ST13: variants seen among roughly 807,000 people sequenced by gnomAD.
ST13 encodes the protein ST13 Hsp70 interacting protein, also known as hsc70-interacting protein.
In ST13, 23 loss-of-function variants were observed where a neutral mutation model predicts 56.7. The ratio of observed to expected loss-of-function variants is 0.41; its 90% confidence interval spans 0.29 to 0.57. ST13 has a LOEUF of 0.57. ST13 is among the 20% of genes least tolerant of loss of function. The pLI, the probability that ST13 is intolerant of heterozygous loss-of-function variation, is 0.36. For missense variants in ST13, 369 were observed against 459.9 expected (o/e 0.80, Z 1.81); for synonymous variants, 132 against 142.4 (o/e 0.93, Z 0.52).
At chr22:40,840,813 CCAGAGAA>C (rs1470113654) in intron 4 of ST13, 121 bp from the exon 5 acceptor site, 1 of 737,596 alleles carries the variant, frequency 1.4e-6, no homozygotes, top group Non-Finnish European at 2.2e-6. Context: ...TCTGTAGTCT[CCAGAGAA>C]CAAAGAGACA....
chr22:40,832,528 G>A (rs772189112), intron 8 of ST13, 41 bp downstream of exon 8: 6 of 1,430,408 alleles, frequency 4.2e-6, no homozygotes, highest in Non-Finnish European at 4.9e-6. Flanking sequence ...CAGCGATGGA[G>A]TATTTAACTA....
chr22:40,851,685 A>C (rs566335904), intron 1 of ST13, among the ~76,000 whole-genome samples: 7 of 152,298 alleles, frequency 4.6e-5, no homozygotes, highest in African/African-American at 9.6e-5. Context: ...TTAAAAACAA[A>C]CAACAAAAGC....
In ST13 at chr22:40,832,647, T is replaced by C. The variant is rs377576431; in HGVS notation, c.603A>G (p.Ala201=). 3.1e-6 allele frequency: 5 copies of C among 1,601,340 alleles called. No homozygotes were observed. The highest frequency in any genetic ancestry group is 2.7e-5 in the African/African-American group (2 of 74,900). Residue 201 remains alanine (A), a synonymous_variant, in exon 8 of 12, where the codon GCA becomes GCG. Coordinates refer to ENST00000216218, the MANE Select transcript of ST13 (RefSeq NM_003932.5). ...TACAGGCAAGGGCAAGATCATGGGC[T>C]GCTTCTTCCCAGTGGCCTAGAAGTC... ...AHRLLGHWEE[A]AHDLALACKL...
At chr22:40,855,966 A>AT (rs1243415755) in intron 1 of ST13, among the ~76,000 whole-genome samples, 2 of 152,016 alleles carry the variant, frequency 1.3e-5, no homozygotes, top group African/African-American at 2.4e-5. Context: ...TACAGTTATC[A>AT]TTTTTATTCT....
intron 10 of ST13, among the ~76,000 whole-genome samples, chr22:40,828,053 G>C (rs1045717198): frequency 6.6e-6 from 1 of 152,040 alleles, no homozygotes; most frequent in South Asian, 2.1e-4. Flanking sequence ...CTTCAGTTAA[G>C]GACGACCTTA....
rs779210227 is a variant in ST13, at chr22:40,835,870, T to C, written c.400A>G (p.Ile134Val). The change falls in exon 6 of 12, where the codon ATT becomes GTT. Residue 134 changes from isoleucine (I) to valine (V), a missense_variant. Physicochemically the swap from Ile to Val is conservative, Grantham distance 29. Coordinates refer to ENST00000216218, the MANE Select transcript of ST13 (RefSeq NM_003932.5). ...ALNDGELQKA[I>V]DLFTDAIKLN... is the part of the protein sequence containing the mutation. The stretch of plus-strand genomic sequence containing the variant: ...TTGATGGCATCTGTGAATAAGTCAA[T>C]GGCTTTCTGGAGTTCACCTAAAGTG... The C allele has an allele frequency of 9.3e-6, 15 of 1,612,260 alleles. No individual in the cohort carries two copies. The East Asian group carries it at 2.9e-4, about 31-fold the overall frequency.
At chr22:40,831,131 C>T (rs2057752015) in intron 8 of ST13, among the ~76,000 whole-genome samples, 175 bp from the exon 9 acceptor site, 1 of 152,216 alleles carries the variant, frequency 6.6e-6, no homozygotes, top group South Asian at 2.1e-4. Flanking sequence ...ACCTCAACTG[C>T]ATGAGGCACT....
rs2057723286 is a variant in ST13 at position 40,825,485 on chromosome 22, G to GAAGTCTAACACTTAATTT, written c.*1052_*1053insAAATTAAGTGTTAGACTT. The GAAGTCTAACACTTAATTT allele has an allele frequency of 6.6e-6, 1 of 152,120 alleles. No homozygotes were observed. The allele number at this position is 152,120 out of a possible 1,614,324, so 9.4% of individuals were successfully genotyped here. On this transcript the variant is annotated 3_prime_UTR_variant, in exon 12 of 12. Coordinates refer to ENST00000216218, the MANE Select transcript of ST13 (RefSeq NM_003932.5). Reference sequence around the variant, plus strand: ...GATAAGGCAAGATTTTGCCAGAATGGAAGTCTAACACTTAAATAAGCATTC... The same window carrying GAAGTCTAACACTTAATTT: ...GATAAGGCAAGATTTTGCCAGAATGGAAGTCTAACACTTAATTTAAGTCTAACACTTAAATAAGCATTC...
chr22:40,834,092 T>C (rs539196406), intron 7 of ST13, among the ~76,000 whole-genome samples: 15 of 152,174 alleles, frequency 9.9e-5, no homozygotes, highest in African/African-American at 2.2e-4. Flanking sequence ...GCCTGGCTAA[T>C]AGGCGAAACC....
At position 40,827,200 on chromosome 22, in the gene ST13, A is replaced by G. The variant is rs569097515; in HGVS notation, c.877T>C (p.Phe293Leu). 2.0e-5 allele frequency: 32 copies of G among 1,613,574 alleles called. 1 individual carries two copies. In the African/African-American group the frequency reaches 3.7e-4, roughly 19 times the overall value. Residue 293 changes from phenylalanine (F) to leucine (L), a missense_variant, in exon 11 of 12, where the codon TTT (phenylalanine) becomes CTT (leucine). By Grantham distance (22) the Phe-to-Leu change is conservative. Around this residue, in one of 3 missense-constraint regions of ST13, gnomAD observed 136 missense variants for 159.2 expected, o/e 0.85. Coordinates refer to ENST00000216218, the MANE Select transcript of ST13 (RefSeq NM_003932.5). ...GGFPGGMPGN[F>L]PGGMPGMGGG... ...CCCATTCCAGGCATTCCTCCGGGAA[A>G]ATTACCAGGCATTCCCCCAGGAAAG...
At chr22:40,834,025 C>T (rs974166896) in intron 7 of ST13, among the ~76,000 whole-genome samples, 5 of 152,014 alleles carry the variant, frequency 3.3e-5, no homozygotes, top group African/African-American at 1.2e-4. Flanking sequence ...ACCTGTAATC[C>T]CAATGCTTTG....
intron 4 of ST13, among the ~76,000 whole-genome samples, chr22:40,843,535 C>T (rs539284930): frequency 1.3e-5 from 2 of 151,738 alleles, no homozygotes; most frequent in African/African-American, 4.8e-5. Context: ...TTGGTGGGAC[C>T]GGTAGATTAA....
intron 5 of ST13, among the ~76,000 whole-genome samples, chr22:40,840,093 T>A (rs2057795886): frequency 6.6e-6 from 1 of 151,850 alleles, no homozygotes; most frequent in African/African-American, 2.4e-5. Flanking sequence ...GAGGTTGTAG[T>A]GAGCCGAGAT....
intron 8 of ST13, chr22:40,832,356 AAC>A (rs1486439420): frequency 1.8e-6 from 1 of 551,212 alleles, no homozygotes; most frequent in East Asian, 3.5e-5. Context: ...CAAACAAAGT[AAC>A]AGAGTTTGCT....
At chr22:40,833,573 A>C (rs1479792700) in intron 7 of ST13, among the ~76,000 whole-genome samples, 2 of 151,374 alleles carry the variant, frequency 1.3e-5, no homozygotes, top group Non-Finnish European at 2.9e-5. Flanking sequence ...TCAAAAAAAA[A>C]AAAAAAAAGA....
At chr22:40,849,852 T>C (rs1249235456) in intron 2 of ST13, among the ~76,000 whole-genome samples, 1 of 151,924 alleles carries the variant, frequency 6.6e-6, no homozygotes. Context: ...AATGTTTAAG[T>C]TTCTAAATAA....
rs1858927319 is a variant in ST13 at position 40,825,985 on chromosome 22, C to T, written c.*553G>A. 1 of 152,696 alleles carries T rather than the reference C, an allele frequency of 6.5e-6. No homozygotes were observed. Among genetic ancestry groups the T allele is most frequent in the Admixed American group, 6.5e-5 (1 of 15,284 alleles). The allele number at this position is 152,696 out of a possible 1,614,324, so 9.5% of individuals were successfully genotyped here. On this transcript the variant is annotated 3_prime_UTR_variant, in exon 12 of 12. Transcript: ENST00000216218. ...TGCTGCCCTGCCAAGTACTTCCAAT[C>T]CCTACCCAGGTCCTACTGAAATACG...
In ST13 at chr22:40,826,309, A is replaced by G. The variant is rs1219990069; in HGVS notation, c.*229T>C. 2.9e-6 allele frequency: 1 copy of G among 349,462 alleles called. No homozygotes were observed. The highest frequency in any genetic ancestry group is 5.1e-6 in the Non-Finnish European group (1 of 194,784). The allele number at this position is 349,462 out of a possible 1,614,324, so 21.6% of individuals were successfully genotyped here. ...TATTTTGAAGATTTAAAAAGTGTTT[A>G]AAGTTTGTAATTCCTAGTAGGAAAA... On this transcript the variant is annotated 3_prime_UTR_variant, in exon 12 of 12. Coordinates refer to ENST00000216218, the MANE Select transcript of ST13 (RefSeq NM_003932.5).
intron 7 of ST13, among the ~76,000 whole-genome samples, chr22:40,834,674 A>G (rs968916675): frequency 5.3e-5 from 8 of 152,346 alleles, no homozygotes; most frequent in Admixed American, 2.6e-4. Flanking sequence ...TCCCACAGAA[A>G]TAGCTTATTT....
Sources: allele counts gnomAD v4.1 joint callset (sites outside exome capture counted in the v4.1 genomes callset), GRCh38; gene constraint gnomAD v4.1.1; regional missense constraint gnomAD v4.1.1; transcripts MANE v1.5; gene names NCBI Gene and HGNC (gene_info 2026-07-23, HGNC 2026-07-21).